The following TRPM6 variants were observed in gnomAD, a reference collection of about 807,000 sequenced individuals.
TRPM6 encodes channel kinase 2.
A neutral mutation model predicts 247.6 loss-of-function variants in TRPM6; 111 were observed. The ratio of observed to expected loss-of-function variants is 0.45; its 90% CI spans 0.38 to 0.52. The LOEUF is 0.52. Among genes scored for constraint, TRPM6 ranks in the 20% least tolerant of loss-of-function variants. TRPM6 has a pLI of 0.00. For missense variants in TRPM6, 2,126 were observed against 2,421.5 expected (o/e 0.88, Z 2.56); for synonymous variants, 892 against 853.8 (o/e 1.04, Z -0.78).
intron 15 of TRPM6, 104 bp downstream of exon 15, chr9:74,803,690 A>T: frequency 1.2e-6 from 1 of 844,658 alleles, no homozygotes; most frequent in Non-Finnish European, 2.1e-6. Context: ...GCACTTATAA[A>T]TGGTCCCTCT....
intron 19 of TRPM6, among the ~76,000 whole-genome samples, chr9:74,791,491 G>GA (rs1341015853): frequency 2.0e-5 from 3 of 151,400 alleles, no homozygotes; most frequent in African/African-American, 4.9e-5. Flanking sequence ...CTGTGTTACG[G>GA]AAAAAAATAT....
chr9:74,821,580 T>A, intron 8 of TRPM6, 89 bp downstream of exon 8: 2 of 1,448,694 alleles, frequency 1.4e-6, no homozygotes, highest in South Asian at 2.3e-5. Context: ...TCCAAGAATA[T>A]CTGGCTCACA....
intron 30 of TRPM6, among the ~76,000 whole-genome samples, chr9:74,749,704 G>C (rs751902065): frequency 6.6e-6 from 1 of 152,160 alleles, no homozygotes; most frequent in African/African-American, 2.4e-5. Context: ...AGGTCCTTAA[G>C]AAAGAAAGTA....
At chr9:74,856,968 A>G (rs925163069) in intron 2 of TRPM6, among the ~76,000 whole-genome samples, 3 of 152,262 alleles carry the variant, frequency 2.0e-5, no homozygotes, top group Non-Finnish European at 4.4e-5. Flanking sequence ...TCATGGAATT[A>G]CAATCGTTGA....
intron 1 of TRPM6, chr9:74,887,499 G>GGT: frequency 9.0e-7 from 1 of 1,105,592 alleles, no homozygotes; most frequent in Non-Finnish European, 1.3e-6. Context: ...CCTCTCCCGG[G>GGT]GTGTTTCCCA....
In TRPM6 at chr9:74,723,885, T is replaced by C. The variant is rs940858992; in HGVS notation, c.*728A>G. ...TAATATATATATTCCATATATATTATATATATAAAAATATATATAATATAC... is the reference window on the plus strand; with the variant it reads ...TAATATATATATTCCATATATATTACATATATAAAAATATATATAATATAC... On this transcript the variant is annotated 3_prime_UTR_variant, in exon 39 of 39. Transcript: ENST00000360774. 13 of 146,202 alleles carry C rather than the reference T, an allele frequency of 8.9e-5. 1 individual carries two copies. In the South Asian group the frequency reaches 2.7e-3, roughly 31 times the overall value. 9.1% of individuals were successfully genotyped at this position (146,202 alleles called of 1,614,324 possible). A position where few individuals can be genotyped will look rare whatever the true frequency, so the allele number is the denominator to read the frequency against.
At chr9:74,791,518 G>T (rs1249735628) in intron 19 of TRPM6, among the ~76,000 whole-genome samples, 1 of 151,818 alleles carries the variant, frequency 6.6e-6, no homozygotes, top group Non-Finnish European at 1.5e-5. Context: ...AAAAAGAAAA[G>T]AAAATTCTAT....
At chr9:74,732,664 A>G (rs1825560995) in intron 37 of TRPM6, 21 bp downstream of exon 37, 1 of 1,560,026 alleles carries the variant, frequency 6.4e-7, no homozygotes, top group African/African-American at 1.4e-5. Context: ...TTTCTAAATG[A>G]TAACACATAA....
rs774483909 is a variant in TRPM6, at chr9:74,775,931, A to G, written c.3355T>C (p.Cys1119Arg). The part of the protein sequence containing the change: ...SHVGLLLRRL[C>R]CHRAPHDQEE... ...TGGTCGTGAGGAGCTCGATGACAGCACAGGCGGCGGAGGAGAAGGCCCACG... is the reference window on the plus strand; with the variant it reads ...TGGTCGTGAGGAGCTCGATGACAGCGCAGGCGGCGGAGGAGAAGGCCCACG... The change falls in exon 24 of 39, where the codon TGC (cysteine) becomes CGC (arginine). Residue 1119 changes from cysteine (C) to arginine (R), a missense_variant. Transcript: ENST00000360774. 1 of 1,614,060 alleles carries G rather than the reference A, an allele frequency of 6.2e-7. No individual in the cohort carries two copies. Among genetic ancestry groups the G allele is most frequent in the Non-Finnish European group, 8.5e-7 (1 of 1,180,044 alleles).
chr9:74,753,803 C>CA (rs1826347071), intron 28 of TRPM6, among the ~76,000 whole-genome samples: 1 of 151,880 alleles, frequency 6.6e-6, no homozygotes, highest in Non-Finnish European at 1.5e-5. Context: ...AGACACGTTT[C>CA]AAAAAAACAA....
intron 1 of TRPM6, among the ~76,000 whole-genome samples, chr9:74,883,843 A>C (rs1250566842): frequency 6.6e-6 from 1 of 152,198 alleles, no homozygotes; most frequent in Non-Finnish European, 1.5e-5. Flanking sequence ...CATCTCAATA[A>C]AATAAAATTA....
chr9:74,780,449 C>T (rs968071070), intron 23 of TRPM6, among the ~76,000 whole-genome samples: 7 of 147,682 alleles, frequency 4.7e-5, no homozygotes, highest in Non-Finnish European at 8.9e-5. Context: ...AGTGAAACTC[C>T]GTCTCAAAAA....
Position 74,762,004 on chromosome 9 carries a change from A to G in TRPM6, c.4667T>C (p.Ile1556Thr), listed in dbSNP as rs763046852. The part of the protein sequence containing the change: ...KEEKLMKICK[I>T]KNLSGSSEIG... Reference sequence around the variant, plus strand: ...TTTAAATGTTTATTCCTTACTTTTAATCTTACAGATCTTCATCAATTTCTC... The same window carrying G: ...TTTAAATGTTTATTCCTTACTTTTAGTCTTACAGATCTTCATCAATTTCTC... Residue 1556 changes from isoleucine to threonine, a missense_variant, in exon 26 of 39, where the codon ATT becomes ACT. Ile to Thr is a moderately conservative substitution (Grantham distance 89). This residue lies in a region of TRPM6 where 717 missense variants were observed against 715.9 expected (regional missense o/e 1.00). Transcript: ENST00000360774. The G allele has an allele frequency of 1.1e-5, 17 of 1,613,802 alleles. 1 individual carries two copies. In the South Asian group the frequency reaches 1.4e-4, roughly 14 times the overall value.
chr9:74,761,705 G>C lies in TRPM6; in HGVS notation c.4776C>G (p.Leu1592=). ...LSKKKKNTQG[L]QVPIITVNAC... ...ATAACAGTACACTTACTGGCACCTGGAGTCCTTGAGTATTCTTCTTTTTCT... is the reference window on the plus strand; with the variant it reads ...ATAACAGTACACTTACTGGCACCTGCAGTCCTTGAGTATTCTTCTTTTTCT... The change falls in exon 27 of 39, where the codon CTC becomes CTG. Residue 1592 remains leucine (L), a synonymous_variant. Transcript: ENST00000360774. The C allele has an allele frequency of 6.2e-7, 1 of 1,604,170 alleles. No homozygotes were observed.
chr9:74,806,007 A>AT (rs538334532), intron 14 of TRPM6, among the ~76,000 whole-genome samples: 1 of 152,164 alleles, frequency 6.6e-6, no homozygotes, highest in Admixed American at 6.6e-5. Context: ...GGAATTATTC[A>AT]TTTTTTATGT....
Position 74,786,042 on chromosome 9 carries a change from G to A in TRPM6, c.2751C>T (p.Ala917=), listed in dbSNP as rs769770337. The change falls in exon 21 of 39, where the codon GCC becomes GCT. Residue 917 remains alanine (A), a synonymous_variant. Transcript: ENST00000360774. The part of the protein sequence containing the change: ...SEYWNLTETV[A]IGLFSAGFVL... ...CGAAGCCAGCTGAAAACAGGCCAAT[G>A]GCCACAGTTTCTGTTAAGTTCCAGT... The A allele has an allele frequency of 6.2e-7, 1 of 1,614,144 alleles. No individual in the cohort carries two copies. The highest frequency in any genetic ancestry group is 8.5e-7 in the Non-Finnish European group (1 of 1,180,044).
intron 33 of TRPM6, among the ~76,000 whole-genome samples, chr9:74,741,497 G>A (rs1336352651): frequency 6.6e-6 from 1 of 152,026 alleles, no homozygotes; most frequent in Non-Finnish European, 1.5e-5. Flanking sequence ...AAATGCCACT[G>A]AAGATCTCTT....
intron 21 of TRPM6, 139 bp downstream of exon 21, chr9:74,785,735 G>A (rs1180959594): frequency 1.3e-5 from 12 of 934,872 alleles, no homozygotes; most frequent in South Asian, 5.5e-5. Context: ...CTGTTAGCCA[G>A]GATGTTCTTG....
chr9:74,783,000 C>T (rs770681327), intron 21 of TRPM6, 147 bp from the exon 22 acceptor site: 18 of 761,482 alleles, frequency 2.4e-5, no homozygotes, highest in Non-Finnish European at 4.0e-5. Flanking sequence ...AACAGCTAGA[C>T]TTTCTTTGGC....
Sources: gnomAD v4.1 joint callset for allele counts (sites outside exome capture counted in the v4.1 genomes callset) on GRCh38, gnomAD v4.1.1 for gene constraint, gnomAD v4.1.1 regional missense constraint, MANE v1.5 for transcripts, NCBI Gene and HGNC (gene_info 2026-07-23, HGNC 2026-07-21) for gene names.